The following TRIO variants were observed in gnomAD, a reference collection of about 807,000 sequenced individuals.
The protein encoded by TRIO is trio Rho guanine nucleotide exchange factor.
In TRIO, 58 loss-of-function variants were observed where a neutral mutation model predicts 351.9. The ratio of observed to expected loss-of-function variants is 0.16; its 90% CI spans 0.13 to 0.21. The LOEUF is 0.21. Ranked by LOEUF, TRIO falls within the 10% of genes least tolerant of loss-of-function variation. The pLI is 1.00. For missense variants in TRIO, 3,201 were observed against 4,027.8 expected (o/e 0.79, Z 5.56); for synonymous variants, 1,758 against 1,595.7 (o/e 1.10, Z -2.42).
intron 2 of TRIO, among the ~76,000 whole-genome samples, chr5:14,274,104 A>G (rs899127045): frequency 1.3e-5 from 2 of 152,198 alleles, no homozygotes; most frequent in African/African-American, 4.8e-5. Flanking sequence ...AATTGAAGGT[A>G]ATTATTTCAT....
intron 7 of TRIO, among the ~76,000 whole-genome samples, chr5:14,303,659 A>G (rs986160156): frequency 2.7e-5 from 4 of 147,636 alleles, no homozygotes; most frequent in South Asian, 2.2e-4. Flanking sequence ...AGATTGAGCC[A>G]GGATTGGGAT....
intron 1 of TRIO, among the ~76,000 whole-genome samples, chr5:14,214,290 A>G (rs1318404109): frequency 6.6e-6 from 1 of 152,208 alleles, no homozygotes; most frequent in Non-Finnish European, 1.5e-5. Context: ...AGAGCCCTTC[A>G]GGCCCCAAGG....
At chr5:14,207,463 T>TACACACACACACACACAC (rs70964545) in intron 1 of TRIO, among the ~76,000 whole-genome samples, 9 of 23,140 alleles carry the variant, frequency 3.9e-4, no homozygotes, top group East Asian at 1.9e-3. Context: ...ACTGTCTCTC[T>TACACACACACACACACAC]ACACACACAC....
chr5:14,203,866 C>T (rs961353626), intron 1 of TRIO, among the ~76,000 whole-genome samples: 13 of 152,176 alleles, frequency 8.5e-5, no homozygotes, highest in African/African-American at 3.1e-4. Context: ...GCAGGAATAG[C>T]GTGTAAAATT....
chr5:14,222,250 T>G (rs925618485), intron 1 of TRIO, among the ~76,000 whole-genome samples: 6 of 152,072 alleles, frequency 3.9e-5, no homozygotes, highest in Non-Finnish European at 7.4e-5. Context: ...AAATGTACCA[T>G]GTAACGTATA....
intron 1 of TRIO, among the ~76,000 whole-genome samples, chr5:14,270,380 T>G (rs1267190766): frequency 6.6e-6 from 1 of 152,160 alleles, no homozygotes; most frequent in Non-Finnish European, 1.5e-5. Context: ...GACCCTGAAG[T>G]CTGATGGAAT....
chr5:14,394,919 T>C (rs1381857151), intron 28 of TRIO, among the ~76,000 whole-genome samples: 1 of 152,218 alleles, frequency 6.6e-6, no homozygotes, highest in Non-Finnish European at 1.5e-5. Context: ...TGTCTGGTAA[T>C]GTTCAGCATA....
At chr5:14,270,760 A>G in intron 1 of TRIO, 65 bp from the exon 2 acceptor site, 1 of 1,290,218 alleles carries the variant, frequency 7.8e-7, no homozygotes, top group Non-Finnish European at 1.1e-6. Context: ...ATTGGATAGA[A>G]TGGTTAAGGA....
At chr5:14,328,587 G>A (rs1256205332) in intron 9 of TRIO, among the ~76,000 whole-genome samples, 1 of 152,238 alleles carries the variant, frequency 6.6e-6, no homozygotes, top group African/African-American at 2.4e-5. Context: ...AATGGAATAT[G>A]TACAGCCTGT....
At chr5:14,258,088 T>G (rs1795129885) in intron 1 of TRIO, among the ~76,000 whole-genome samples, 1 of 152,224 alleles carries the variant, frequency 6.6e-6, no homozygotes, top group Non-Finnish European at 1.5e-5. Context: ...GACACCTAAG[T>G]AACTGTTGAC....
intron 6 of TRIO, among the ~76,000 whole-genome samples, chr5:14,294,999 T>C (rs909582724): frequency 2.0e-5 from 3 of 152,186 alleles, no homozygotes; most frequent in Admixed American, 6.5e-5. Flanking sequence ...AAACTTGTAA[T>C]ACAATGCATG....
In TRIO at chr5:14,324,872, T is replaced by C. The variant is rs76451697; in HGVS notation, c.1732-5906T>C. 9.5e-3 allele frequency among the ~76,000 whole-genome samples: 1,445 copies of C among 152,368 alleles called. 22 individuals carry two copies. The highest frequency in any genetic ancestry group is 0.033 in the African/African-American group (1,374 of 41,586). On this transcript the variant is annotated intron_variant, in intron 9 of 56. Coordinates refer to ENST00000344204, the MANE Select transcript of TRIO (RefSeq NM_007118.4). ...ATGCATGGCTATTTCTATAGCTGAATGTTCAAGGACTTGCACTTATTAAGT... is the reference window on the plus strand; with the variant it reads ...ATGCATGGCTATTTCTATAGCTGAACGTTCAAGGACTTGCACTTATTAAGT...
intron 49 of TRIO, among the ~76,000 whole-genome samples, chr5:14,493,033 C>G (rs891412515): frequency 6.6e-6 from 1 of 152,326 alleles, no homozygotes; most frequent in East Asian, 1.9e-4. Flanking sequence ...TAGAAATAGT[C>G]TGTTCTAGCA....
chr5:14,300,092 A>C (rs1462662199), intron 7 of TRIO, among the ~76,000 whole-genome samples: 1 of 152,270 alleles, frequency 6.6e-6, no homozygotes, highest in African/African-American at 2.4e-5. Context: ...ATATGTGGAC[A>C]CACAACCACA....
At chr5:14,382,881 T>A (rs759599023) in intron 21 of TRIO, among the ~76,000 whole-genome samples, 2 of 151,314 alleles carry the variant, frequency 1.3e-5, no homozygotes, top group Non-Finnish European at 2.9e-5. Flanking sequence ...CATGGGATCT[T>A]GCTCTGTTAC....
chr5:14,435,968 C>A (rs936699708), intron 34 of TRIO, among the ~76,000 whole-genome samples: 1 of 152,190 alleles, frequency 6.6e-6, no homozygotes, highest in Non-Finnish European at 1.5e-5. Flanking sequence ...TAGGTATGCT[C>A]ATTGCTGTGT....
intron 1 of TRIO, among the ~76,000 whole-genome samples, chr5:14,225,798 C>CG (rs200060523): frequency 1.7e-4 from 23 of 134,354 alleles, no homozygotes; most frequent in African/African-American, 6.6e-4. Flanking sequence ...TCCCACCCCC[C>CG]CCCCCACCTC....
In TRIO at chr5:14,423,996, T is replaced by C. The variant is rs546063456; in HGVS notation, c.5203+3975T>C. ...AGTTTGAGACTACAGTGAGCTATGA[T>C]CAAACCACTGCACTCCAGCCTGGAC... On this transcript the variant is annotated intron_variant, in intron 34 of 56. Transcript: ENST00000344204. Among the ~76,000 whole-genome samples the C allele has an allele frequency of 5.4e-5, 8 of 149,004 alleles. No individual in the cohort carries two copies. In the East Asian group the frequency reaches 7.9e-4, roughly 15 times the overall value.
intron 48 of TRIO, 89 bp downstream of exon 48, chr5:14,488,349 G>A (rs1439492023): frequency 1.4e-6 from 2 of 1,476,808 alleles, no homozygotes; most frequent in African/African-American, 1.4e-5. Flanking sequence ...TCACTAACTC[G>A]GCTGCCCAGC....
Sources: gnomAD v4.1 joint callset for allele counts (sites outside exome capture counted in the v4.1 genomes callset) on GRCh38, gnomAD v4.1.1 for gene constraint, MANE v1.5 for transcripts, NCBI Gene and HGNC (gene_info 2026-07-23, HGNC 2026-07-21) for gene names.